ARHGAP15: variants seen among roughly 807,000 people sequenced by gnomAD.
The protein encoded by ARHGAP15 is Rho GTPase activating protein 15.
A neutral mutation model predicts 63.7 loss-of-function variants in ARHGAP15; 51 were observed. That is an observed-to-expected ratio of 0.80 (90% CI 0.64 to 1.01). The LOEUF (loss-of-function observed/expected upper bound fraction) is 1.01, where lower values mean the gene tolerates loss of function less well. Among genes scored for constraint, ARHGAP15 ranks in the 50% least tolerant of loss-of-function variants. The pLI, the probability that ARHGAP15 is intolerant of heterozygous loss-of-function variation, is 0.00. For synonymous variants in ARHGAP15, 191 were observed against 193.8 expected (o/e 0.99, Z 0.12); for missense variants, 560 against 564.6 (o/e 0.99, Z 0.08).
intron 11 of ARHGAP15, among the ~76,000 whole-genome samples, chr2:143,621,762 C>T (rs959913608): frequency 6.6e-6 from 1 of 152,012 alleles, no homozygotes; most frequent in African/African-American, 2.4e-5. Flanking sequence ...CTTTAGATAT[C>T]ACTATGTTCG....
At position 143,320,859 on chromosome 2, in the gene ARHGAP15, T is replaced by C. The variant is rs563709727; in HGVS notation, c.474+70259T>C. Among the ~76,000 whole-genome samples the C allele has an allele frequency of 8.5e-5, 13 of 152,214 alleles. No individual in the cohort carries two copies. The East Asian group carries it at 9.7e-4, about 11-fold the overall frequency. On this transcript the variant is annotated intron_variant, in intron 6 of 13. Coordinates refer to ENST00000295095, the MANE Select transcript of ARHGAP15 (RefSeq NM_018460.4). Reference sequence around the variant, plus strand: ...TTAAGATTCATATTGCTGCAGAGCTTTGCGTGCTCTGCAGCAATGTGACTC... The same window carrying C: ...TTAAGATTCATATTGCTGCAGAGCTCTGCGTGCTCTGCAGCAATGTGACTC...
intron 13 of ARHGAP15, among the ~76,000 whole-genome samples, chr2:143,732,358 T>A (rs1399881769): frequency 1.3e-5 from 2 of 152,246 alleles, no homozygotes; most frequent in African/African-American, 4.8e-5. Flanking sequence ...TTATTTTTTC[T>A]TCACCTTTAT....
chr2:143,412,682 G>T (rs753165846), intron 6 of ARHGAP15, among the ~76,000 whole-genome samples: 2 of 152,086 alleles, frequency 1.3e-5, no homozygotes, highest in Non-Finnish European at 2.9e-5. Context: ...CCTGGTTGAG[G>T]TTTGTAGTGA....
At chr2:143,620,705 A>C (rs1698614745) in intron 11 of ARHGAP15, among the ~76,000 whole-genome samples, 1 of 152,190 alleles carries the variant, frequency 6.6e-6, no homozygotes, top group Non-Finnish European at 1.5e-5. Context: ...CACTTTCCCT[A>C]TCTGTAAAAT....
intron 6 of ARHGAP15, among the ~76,000 whole-genome samples, chr2:143,425,072 T>G (rs1689085247): frequency 6.6e-6 from 1 of 152,166 alleles, no homozygotes; most frequent in Admixed American, 6.6e-5. Flanking sequence ...GTCACCCTAC[T>G]GATAGTGCTA....
intron 12 of ARHGAP15, among the ~76,000 whole-genome samples, chr2:143,671,426 T>C (rs1682520766): frequency 2.0e-5 from 3 of 152,202 alleles, no homozygotes; most frequent in Admixed American, 2.0e-4. Flanking sequence ...ATTTAGGAGA[T>C]AATTTTGCCT....
chr2:143,437,362 C>T (rs1312778879), intron 8 of ARHGAP15: 1 of 249,016 alleles, frequency 4.0e-6, no homozygotes, highest in Non-Finnish European at 7.8e-6. Context: ...ATCTCCAACC[C>T]TGGTATCCTG....
At chr2:143,625,257 G>A (rs73961816) in intron 12 of ARHGAP15, among the ~76,000 whole-genome samples, 1 of 152,046 alleles carries the variant, frequency 6.6e-6, no homozygotes, top group African/African-American at 2.4e-5. Context: ...TGGATGGCTG[G>A]GTATGAAGTG....
intron 11 of ARHGAP15, chr2:143,563,868 CCTG>C (rs1215564226): frequency 6.6e-6 from 1 of 152,270 alleles, no homozygotes. Flanking sequence ...CTGCATATCT[CCTG>C]CTGCCTAACC....
chr2:143,737,947 G>T (rs1685816113), intron 13 of ARHGAP15, among the ~76,000 whole-genome samples: 2 of 152,024 alleles, frequency 1.3e-5, no homozygotes, highest in South Asian at 4.2e-4. Flanking sequence ...TAATAGAGCC[G>T]GGGTTTCACC....
chr2:143,728,087 C>G (rs1215607449), intron 13 of ARHGAP15, among the ~76,000 whole-genome samples: 1 of 152,210 alleles, frequency 6.6e-6, no homozygotes, highest in Non-Finnish European at 1.5e-5. Context: ...CACCAGGCGG[C>G]TTAAAAAGCA....
chr2:143,300,761 G>A (rs1359592405), intron 6 of ARHGAP15, among the ~76,000 whole-genome samples: 2 of 151,898 alleles, frequency 1.3e-5, no homozygotes, highest in African/African-American at 4.8e-5. Flanking sequence ...ATAAACATGT[G>A]GTTACTCCAA....
At chr2:143,374,459 A>G (rs1004633070) in intron 6 of ARHGAP15, among the ~76,000 whole-genome samples, 1 of 151,880 alleles carries the variant, frequency 6.6e-6, no homozygotes, top group East Asian at 1.9e-4. Context: ...ACATGTCAGC[A>G]CTCGTAAATC....
intron 6 of ARHGAP15, among the ~76,000 whole-genome samples, chr2:143,349,274 T>C (rs991058647): frequency 6.6e-6 from 1 of 152,190 alleles, no homozygotes; most frequent in Non-Finnish European, 1.5e-5. Flanking sequence ...GCTGAAAACA[T>C]CAACTATTGT....
chr2:143,221,381 T>C (rs940140115), intron 4 of ARHGAP15, among the ~76,000 whole-genome samples: 4 of 152,184 alleles, frequency 2.6e-5, no homozygotes, highest in African/African-American at 9.6e-5. Context: ...GGCCATACCT[T>C]TAGCCTTATT....
chr2:143,706,211 A>G lies in ARHGAP15; in HGVS notation c.1244+2687A>G, dbSNP rs576579095. ...TTTTTTTGCTAAGTTTTTGATAAAC[A>G]GCCAATCGTGGCGTGTCATCAAAGC... On this transcript the variant is annotated intron_variant, in intron 13 of 13. Coordinates refer to ENST00000295095, the MANE Select transcript of ARHGAP15 (RefSeq NM_018460.4). Among the ~76,000 whole-genome samples the G allele has an allele frequency of 2.0e-5, 3 of 152,340 alleles. No individual in the cohort carries two copies. The East Asian group carries it at 5.8e-4, about 29-fold the overall frequency.
At chr2:143,550,090 G>T (rs910395704) in intron 10 of ARHGAP15, among the ~76,000 whole-genome samples, 2 of 152,120 alleles carry the variant, frequency 1.3e-5, no homozygotes, top group South Asian at 2.1e-4. Context: ...AAATGAAAAG[G>T]CCCAGATGGG....
intron 2 of ARHGAP15, among the ~76,000 whole-genome samples, chr2:143,170,533 G>A (rs754179424): frequency 7.9e-5 from 12 of 152,082 alleles, no homozygotes; most frequent in Non-Finnish European, 1.8e-4. Flanking sequence ...CTGTGTTACT[G>A]ACCCTAAGCC....
chr2:143,311,503 A>G (rs1683446522), intron 6 of ARHGAP15, among the ~76,000 whole-genome samples: 1 of 152,132 alleles, frequency 6.6e-6, no homozygotes, highest in Admixed American at 6.6e-5. Flanking sequence ...ATTTGCAGTT[A>G]AGAACATGCT....
Sources: gnomAD v4.1 joint callset for allele counts (sites outside exome capture counted in the v4.1 genomes callset) on GRCh38, gnomAD v4.1.1 for gene constraint, MANE v1.5 for transcripts, NCBI Gene and HGNC (gene_info 2026-07-23, HGNC 2026-07-21) for gene names.